The following SETD3 variants were observed in gnomAD, a reference collection of about 807,000 sequenced individuals.
SETD3 encodes SET domain containing 3, actin N3(tau)-histidine methyltransferase, also known as actin-histidine N-methyltransferase.
SETD3 carries 19 observed loss-of-function variants against 63.0 expected under a neutral mutation model. The observed-to-expected ratio is 0.30, with a 90% confidence interval of 0.21 to 0.44. The LOEUF (loss-of-function observed/expected upper bound fraction) is 0.44, where lower values mean the gene tolerates loss of function less well. SETD3 is among the 20% of genes least tolerant of loss of function. The pLI is 1.00. For missense variants in SETD3, 587 were observed against 728.5 expected (o/e 0.81, Z 2.24); for synonymous variants, 286 against 264.1 (o/e 1.08, Z -0.80).
chr14:99,434,461 C>T (rs532699276), intron 6 of SETD3, among the ~76,000 whole-genome samples: 13 of 151,840 alleles, frequency 8.6e-5, no homozygotes, highest in Middle Eastern at 3.4e-3. Flanking sequence ...ACCCCTGACA[C>T]GGGCGGGGCA....
intron 11 of SETD3, among the ~76,000 whole-genome samples, chr14:99,403,401 G>A (rs970555083): frequency 5.4e-5 from 8 of 148,878 alleles, no homozygotes; most frequent in African/African-American, 1.5e-4. Flanking sequence ...TTCTGTACAG[G>A]ATTTAAGGTA....
chr14:99,414,577 T>C (rs1892189426), intron 6 of SETD3, among the ~76,000 whole-genome samples: 1 of 152,242 alleles, frequency 6.6e-6, no homozygotes. Flanking sequence ...CAGATCAGCA[T>C]ATTTAAATTT....
chr14:99,420,433 A>G (rs1281503601), intron 6 of SETD3, among the ~76,000 whole-genome samples: 1 of 152,104 alleles, frequency 6.6e-6, no homozygotes. Context: ...ATACACTTCT[A>G]CTCTTTTTCC....
At chr14:99,462,582 T>C (rs1366978905) in intron 3 of SETD3, among the ~76,000 whole-genome samples, 3 of 152,230 alleles carry the variant, frequency 2.0e-5, no homozygotes, top group African/African-American at 7.2e-5. Context: ...GTAAACAGTA[T>C]CTACGCAGAA....
Position 99,400,196 on chromosome 14 carries a change from G to T in SETD3, c.1241C>A (p.Ser414Ter). Residue 414 changes from serine (S) to a stop codon, truncating the protein, a stop_gained, in exon 12 of 13, where the codon TCG becomes TAG. Coordinates refer to ENST00000331768, the MANE Select transcript of SETD3 (RefSeq NM_032233.3). LOFTEE classifies it high-confidence loss of function. ...GTTGTCCCAGCTAACAGGAAATTCC[G>T]AGTTCCCCAAGGTGAAGATTCTATC... ...AIDRIFTLGN[S>*]EFPVSWDNEV... is the part of the protein sequence containing the mutation. 6.2e-7 allele frequency: 1 copy of T among 1,614,090 alleles called. No homozygotes were observed. The highest frequency in any genetic ancestry group is 2.2e-5 in the East Asian group (1 of 44,880).
intron 6 of SETD3, among the ~76,000 whole-genome samples, chr14:99,423,417 T>C (rs1296214704): frequency 2.0e-5 from 3 of 151,750 alleles, no homozygotes; most frequent in Admixed American, 6.6e-5. Context: ...GTCAAGACAC[T>C]TGAATAACCA....
intron 1 of SETD3, among the ~76,000 whole-genome samples, chr14:99,469,179 T>G (rs1220659084): frequency 6.6e-6 from 1 of 152,372 alleles, no homozygotes; most frequent in East Asian, 1.9e-4. Flanking sequence ...AGAAAACTGC[T>G]GGCTCTTAGA....
At chr14:99,453,687 G>A (rs771946488) in intron 6 of SETD3, among the ~76,000 whole-genome samples, 24 of 152,012 alleles carry the variant, frequency 1.6e-4, no homozygotes, top group Admixed American at 5.2e-4. Flanking sequence ...TTAGCTGGGC[G>A]TGGTGGTGGG....
At chr14:99,471,919 G>A (rs895415268) in intron 1 of SETD3, among the ~76,000 whole-genome samples, 1 of 152,170 alleles carries the variant, frequency 6.6e-6, no homozygotes, top group Admixed American at 6.5e-5. Context: ...ATAGCCCACT[G>A]AGGCCGGCAG....
intron 6 of SETD3, among the ~76,000 whole-genome samples, chr14:99,456,344 A>G (rs962861010): frequency 3.3e-5 from 5 of 152,208 alleles, no homozygotes; most frequent in African/African-American, 1.2e-4. Context: ...ACATTTGATT[A>G]CCTGGTAATT....
chr14:99,425,592 A>C (rs1216459558), intron 6 of SETD3, among the ~76,000 whole-genome samples: 1 of 152,222 alleles, frequency 6.6e-6, no homozygotes, highest in Admixed American at 6.5e-5. Context: ...CGCTTTGTAC[A>C]CGGCAGGTGC....
At position 99,403,455 on chromosome 14, in the gene SETD3, A is replaced by ACTCTCTCTCTCT. The variant is rs55804663; in HGVS notation, c.1177+758_1177+769dup. 1.2e-3 allele frequency among the ~76,000 whole-genome samples: 167 copies of ACTCTCTCTCTCT among 135,520 alleles called. 2 individuals carry two copies. Among genetic ancestry groups the ACTCTCTCTCTCT allele is most frequent in the African/African-American group, 4.1e-3 (136 of 33,378 alleles). 88.9% of individuals were successfully genotyped at this position (135,520 alleles called of 152,430 possible). ...TACACACACACACACACACACACAC[A>ACTCTCTCTCTCT]CTCTCTCTCTCTCTCTCTCTCTCTC... On this transcript the variant is annotated intron_variant, in intron 11 of 12. Coordinates refer to ENST00000331768, the MANE Select transcript of SETD3 (RefSeq NM_032233.3).
intron 1 of SETD3, among the ~76,000 whole-genome samples, chr14:99,480,054 A>G (rs984315133): frequency 6.6e-6 from 1 of 152,144 alleles, no homozygotes; most frequent in Non-Finnish European, 1.5e-5. Flanking sequence ...GCCTCTCCCT[A>G]GTAGGGCACT....
chr14:99,483,079 G>T (rs370375173), upstream of SETD3, among the ~76,000 whole-genome samples: 8 of 152,294 alleles, frequency 5.3e-5, no homozygotes, highest in African/African-American at 1.9e-4. Context: ...TACAGTTAAT[G>T]ATAGAAGACT....
intron 1 of SETD3, among the ~76,000 whole-genome samples, chr14:99,471,787 G>C (rs991575099): frequency 2.0e-5 from 3 of 152,194 alleles, no homozygotes. Context: ...AAGCAATAAA[G>C]CAGGAATTAG....
intron 1 of SETD3, among the ~76,000 whole-genome samples, chr14:99,473,690 G>A (rs1895823092): frequency 6.6e-6 from 1 of 152,142 alleles, no homozygotes; most frequent in Admixed American, 6.5e-5. Context: ...TAATCTTCAT[G>A]TAGGAAGAAT....
intron 6 of SETD3, among the ~76,000 whole-genome samples, chr14:99,427,929 G>T (rs1278803085): frequency 3.3e-5 from 5 of 152,226 alleles, no homozygotes; most frequent in Non-Finnish European, 7.3e-5. Flanking sequence ...CTAAAGATGG[G>T]CAGGATTTTC....
intron 6 of SETD3, among the ~76,000 whole-genome samples, chr14:99,453,039 G>A (rs945634130): frequency 6.6e-6 from 1 of 152,184 alleles, no homozygotes; most frequent in African/African-American, 2.4e-5. Context: ...AAGGTTAACA[G>A]CCTCAATGCC....
chr14:99,474,500 G>C (rs1895866888), intron 1 of SETD3, among the ~76,000 whole-genome samples: 1 of 152,154 alleles, frequency 6.6e-6, no homozygotes, highest in African/African-American at 2.4e-5. Context: ...ATTTTAATTT[G>C]ATCAAAATTT....
Sources: gnomAD v4.1 joint callset for allele counts (sites outside exome capture counted in the v4.1 genomes callset) on GRCh38, gnomAD v4.1.1 for gene constraint, MANE v1.5 for transcripts, NCBI Gene and HGNC (gene_info 2026-07-23, HGNC 2026-07-21) for gene names.